Variants in LY86 observed in about 807,000 individuals in gnomAD.
LY86 encodes the protein MD-1, RP105-associated.
A neutral mutation model predicts 17.3 loss-of-function variants in LY86; 20 were observed. That is an observed-to-expected ratio of 1.15 (90% CI 0.81 to 1.68). The LOEUF (loss-of-function observed/expected upper bound fraction) is 1.68. LY86 is among the 40% of genes most tolerant of loss of function. The probability of loss-of-function intolerance (pLI) is 0.00; values close to 1 mark genes in which losing one functional copy is unlikely to be tolerated. For missense variants in LY86, 200 were observed against 191.9 expected (o/e 1.04, Z -0.25); for synonymous variants, 74 against 70.6 (o/e 1.05, Z -0.24).
chr6:6,640,423 G>A, intron 3 of LY86, among the ~76,000 whole-genome samples: 1 of 151,844 alleles, frequency 6.6e-6, no homozygotes, highest in East Asian at 1.9e-4. Flanking sequence ...AAAAAAGGCA[G>A]GAGGGGGCAG....
At chr6:6,599,223 C>T (rs983180954) in intron 1 of LY86, among the ~76,000 whole-genome samples, 1 of 152,196 alleles carries the variant, frequency 6.6e-6, no homozygotes, top group African/African-American at 2.4e-5. Context: ...TTGTTATCAC[C>T]TAGACATGCC....
In LY86 at chr6:6,595,840, G is replaced by C. The variant is rs1032181329; in HGVS notation, c.136+6970G>C. The stretch of plus-strand genomic sequence containing the variant: ...TTCCCATCCCCAACCATTCCACCAC[G>C]AGGTAGTCAGTGAGCGGGGAGGGGA... On this transcript the variant is annotated intron_variant, in intron 1 of 4. Coordinates refer to ENST00000230568, the MANE Select transcript of LY86 (RefSeq NM_004271.4). Among the ~76,000 whole-genome samples the C allele has an allele frequency of 4.6e-5, 7 of 152,238 alleles. No homozygotes were observed. The East Asian group carries it at 5.8e-4, about 13-fold the overall frequency.
chr6:6,649,560 C>T lies in LY86; in HGVS notation c.353-65C>T, dbSNP rs1422533401. The T allele has an allele frequency of 3.1e-5, 31 of 1,009,336 alleles. No homozygotes were observed. The Admixed American group carries it at 4.9e-4, about 16-fold the overall frequency. 62.5% of individuals were successfully genotyped at this position (1,009,336 alleles called of 1,614,324 possible). On this transcript the variant is annotated intron_variant, in intron 3 of 4. Transcript: ENST00000230568. ...GTCACACATCTGTGTAACCACAAATCATGTGAATGAATCATTTTTTTAAAT... is the reference window on the plus strand; with the variant it reads ...GTCACACATCTGTGTAACCACAAATTATGTGAATGAATCATTTTTTTAAAT...
rs913119044 is a variant in LY86, at chr6:6,613,830, T to C, written c.137-11096T>C. 3.9e-5 allele frequency among the ~76,000 whole-genome samples: 6 copies of C among 152,208 alleles called. 1 individual carries two copies. In the South Asian group the frequency reaches 8.3e-4, roughly 21 times the overall value. ...AGGGCCCCTTACTTTCCCTGCCTGATGGTTTATCCGCCTTCCTTCAGTCAC... is the reference window on the plus strand; with the variant it reads ...AGGGCCCCTTACTTTCCCTGCCTGACGGTTTATCCGCCTTCCTTCAGTCAC... On this transcript the variant is annotated intron_variant, in intron 1 of 4. Transcript: ENST00000230568.
At chr6:6,653,330 C>T (rs763558689) in intron 4 of LY86, among the ~76,000 whole-genome samples, 12 of 152,220 alleles carry the variant, frequency 7.9e-5, no homozygotes, top group Admixed American at 2.0e-4. Context: ...TAAACTCTTT[C>T]CTCCTTTGGG....
At chr6:6,612,545 A>C (rs1365657838) in intron 1 of LY86, among the ~76,000 whole-genome samples, 2 of 152,204 alleles carry the variant, frequency 1.3e-5, no homozygotes, top group African/African-American at 4.8e-5. Context: ...CACAAAAGCA[A>C]CGAAACAACC....
At chr6:6,611,831 C>T (rs796565618) in intron 1 of LY86, among the ~76,000 whole-genome samples, 6 of 152,280 alleles carry the variant, frequency 3.9e-5, no homozygotes, top group African/African-American at 1.4e-4. Context: ...AATAGCAGGG[C>T]TTTTGTCTCT....
At chr6:6,595,867 G>A (rs1483832870) in intron 1 of LY86, among the ~76,000 whole-genome samples, 1 of 152,140 alleles carries the variant, frequency 6.6e-6, no homozygotes, top group African/African-American at 2.4e-5. Flanking sequence ...GGGAGGGGAG[G>A]AAGCCCTATT....
At chr6:6,645,236 T>C (rs1762092418) in intron 3 of LY86, among the ~76,000 whole-genome samples, 1 of 152,178 alleles carries the variant, frequency 6.6e-6, no homozygotes, top group South Asian at 2.1e-4. Flanking sequence ...CCTAGTCTCA[T>C]TGCGTATTTC....
chr6:6,603,597 C>CAAAAAAA (rs1760985158), intron 1 of LY86, among the ~76,000 whole-genome samples: 1 of 56,548 alleles, frequency 1.8e-5, no homozygotes, highest in Non-Finnish European at 3.3e-5. Flanking sequence ...AAAACAAAAA[C>CAAAAAAA]AGAAACAGAA....
At chr6:6,605,940 G>A (rs1368951518) in intron 1 of LY86, among the ~76,000 whole-genome samples, 2 of 152,174 alleles carry the variant, frequency 1.3e-5, no homozygotes, top group African/African-American at 4.8e-5. Context: ...CACAGTATGG[G>A]TTATAACTCA....
At chr6:6,605,018 T>C (rs1761055721) in intron 1 of LY86, among the ~76,000 whole-genome samples, 1 of 143,884 alleles carries the variant, frequency 7.0e-6, no homozygotes, top group Non-Finnish European at 1.5e-5. Flanking sequence ...CAATAGTAAG[T>C]AAAAGACTTT....
chr6:6,603,615 C>CAACA (rs1760990955), intron 1 of LY86, among the ~76,000 whole-genome samples: 2 of 114,176 alleles, frequency 1.8e-5, no homozygotes, highest in Non-Finnish European at 3.5e-5. Flanking sequence ...GAAAAAAAAA[C>CAACA]AAACAAAAAA....
rs1411524787 is a variant in LY86, at chr6:6,621,201, T to C, written c.137-3725T>C. ...GGTCATTTGCTGAAATACAGTGAAGTATCTGGAGGAAACACTTATCTCTGC... is the reference window on the plus strand; with the variant it reads ...GGTCATTTGCTGAAATACAGTGAAGCATCTGGAGGAAACACTTATCTCTGC... On this transcript the variant is annotated intron_variant, in intron 1 of 4. Coordinates refer to ENST00000230568, the MANE Select transcript of LY86 (RefSeq NM_004271.4). The C allele has an allele frequency of 2.6e-5, 4 of 152,228 alleles. No individual in the cohort carries two copies. The East Asian group carries it at 7.7e-4, about 29-fold the overall frequency. 9.4% of individuals were successfully genotyped at this position (152,228 alleles called of 1,614,324 possible).
At chr6:6,624,335 G>T (rs1284521027) in intron 1 of LY86, among the ~76,000 whole-genome samples, 1 of 109,250 alleles carries the variant, frequency 9.2e-6, no homozygotes, top group Non-Finnish European at 2.0e-5. Context: ...ACAATACCTT[G>T]TACATAGTGG....
At position 6,594,186 on chromosome 6, in the gene LY86, C is replaced by G. The variant is rs149053730; in HGVS notation, c.136+5316C>G. ...CCCCCTTTGGTTTCCCTGATACTCACAGTCTACCTGGACAGAGAAGTGGCT... is the reference window on the plus strand; with the variant it reads ...CCCCCTTTGGTTTCCCTGATACTCAGAGTCTACCTGGACAGAGAAGTGGCT... On this transcript the variant is annotated intron_variant, in intron 1 of 4. Coordinates refer to ENST00000230568, the MANE Select transcript of LY86 (RefSeq NM_004271.4). 5.5e-3 allele frequency among the ~76,000 whole-genome samples: 819 copies of G among 149,996 alleles called. 4 individuals are homozygous for G. Among genetic ancestry groups the G allele is most frequent in the Non-Finnish European group, 8.4e-3 (570 of 68,016 alleles).
intron 1 of LY86, among the ~76,000 whole-genome samples, chr6:6,592,852 C>T (rs1180733833): frequency 6.6e-6 from 1 of 152,096 alleles, no homozygotes; most frequent in Non-Finnish European, 1.5e-5. Context: ...TTTAAGCCCC[C>T]CAGTCTATAT....
intron 1 of LY86, among the ~76,000 whole-genome samples, chr6:6,617,029 T>C (rs1243128239): frequency 1.3e-5 from 2 of 152,248 alleles, no homozygotes; most frequent in Non-Finnish European, 2.9e-5. Flanking sequence ...TGTGCTAACG[T>C]CCAATCTTCC....
At chr6:6,623,915 G>A (rs1251153796) in intron 1 of LY86, among the ~76,000 whole-genome samples, 1 of 152,220 alleles carries the variant, frequency 6.6e-6, no homozygotes, top group African/African-American at 2.4e-5. Context: ...GATAAGCCAC[G>A]TAGCAAAGTG....
Sources: allele counts gnomAD v4.1 joint callset (sites outside exome capture counted in the v4.1 genomes callset), GRCh38; gene constraint gnomAD v4.1.1; transcripts MANE v1.5; gene names NCBI Gene and HGNC (gene_info 2026-07-23, HGNC 2026-07-21).